MYO5C: variants seen among roughly 807,000 people sequenced by gnomAD.
MYO5C encodes the protein myosin VC.
In MYO5C, 194 loss-of-function variants were observed where a neutral mutation model predicts 235.7. The ratio of observed to expected loss-of-function variants is 0.82; its 90% CI spans 0.73 to 0.93. The LOEUF (loss-of-function observed/expected upper bound fraction) is 0.93. MYO5C is among the 40% of genes least tolerant of loss of function. The probability of loss-of-function intolerance (pLI) is 0.00; values close to 1 mark genes in which losing one functional copy is unlikely to be tolerated. For missense variants in MYO5C, 2,038 were observed against 2,127.2 expected (o/e 0.96, Z 0.82); for synonymous variants, 707 against 754.8 (o/e 0.94, Z 1.04).
intron 38 of MYO5C, 80 bp downstream of exon 38, chr15:52,204,785 G>A (rs949476716): frequency 2.0e-6 from 3 of 1,501,902 alleles, no homozygotes; most frequent in Non-Finnish European, 2.7e-6. Flanking sequence ...AGCAGGGAGG[G>A]TCAGGCGCGT....
chr15:52,293,050 G>A (rs890206673), intron 1 of MYO5C, among the ~76,000 whole-genome samples: 2 of 152,182 alleles, frequency 1.3e-5, no homozygotes, highest in Admixed American at 6.5e-5. Context: ...ATGCCAGACC[G>A]GCTCTTCTTA....
intron 35 of MYO5C, among the ~76,000 whole-genome samples, chr15:52,210,433 A>G (rs781017758): frequency 6.6e-6 from 1 of 152,272 alleles, no homozygotes; most frequent in East Asian, 1.9e-4. Flanking sequence ...AGTGTTATTT[A>G]TGTCTTATTG....
intron 8 of MYO5C, among the ~76,000 whole-genome samples, chr15:52,267,612 G>A (rs572358737): frequency 6.6e-5 from 10 of 152,188 alleles, no homozygotes; most frequent in African/African-American, 1.4e-4. Context: ...CTTGAGTCCC[G>A]GAGGCAGAGG....
intron 10 of MYO5C, among the ~76,000 whole-genome samples, chr15:52,259,797 G>C (rs1476847886): frequency 1.3e-5 from 2 of 152,260 alleles, no homozygotes; most frequent in Non-Finnish European, 2.9e-5. Context: ...TATGGGAAAA[G>C]CTGCCTCTCC....
At chr15:52,247,072 C>A (rs770398653) in intron 15 of MYO5C, 58 bp from the exon 16 acceptor site, 1 of 1,464,788 alleles carries the variant, frequency 6.8e-7, no homozygotes, top group South Asian at 1.2e-5. Context: ...GCTTACATCA[C>A]GGTAAAAAGC....
rs541496311 is a variant in MYO5C, at chr15:52,256,554, T to G, written c.1395+85A>C. 2.1e-5 allele frequency: 16 copies of G among 761,994 alleles called. No homozygotes were observed. The South Asian group carries it at 3.4e-4, about 16-fold the overall frequency. 47.2% of individuals were successfully genotyped at this position (761,994 alleles called of 1,614,324 possible). The stretch of plus-strand genomic sequence containing the variant: ...CAACCTCAAGAAAGAAGAATGCCTC[T>G]TTCCACGAACACACACACACACACA... On this transcript the variant is annotated intron_variant, in intron 11 of 40. Transcript: ENST00000261839.
chr15:52,199,400 T>C (rs947024962), intron 38 of MYO5C, among the ~76,000 whole-genome samples: 3 of 152,208 alleles, frequency 2.0e-5, no homozygotes, highest in Admixed American at 6.5e-5. Context: ...AATGCAGCTA[T>C]AAAGCCTGAA....
intron 11 of MYO5C, among the ~76,000 whole-genome samples, chr15:52,254,285 G>A (rs911832417): frequency 5.3e-5 from 8 of 152,152 alleles, no homozygotes; most frequent in East Asian, 3.9e-4. Context: ...GGGAAGAACC[G>A]GAGGCAGTGA....
In MYO5C at chr15:52,267,511, C is replaced by T. The variant is rs184367174; in HGVS notation, c.940+2242G>A. On this transcript the variant is annotated intron_variant, in intron 8 of 40. Coordinates refer to ENST00000261839, the MANE Select transcript of MYO5C (RefSeq NM_018728.4). ...GATTGGCCTGGGCAACATGGTGAAACCCCATCTCTACTAAAAATACAAAAA... is the reference window on the plus strand; with the variant it reads ...GATTGGCCTGGGCAACATGGTGAAATCCCATCTCTACTAAAAATACAAAAA... Among the ~76,000 whole-genome samples, 311 of 152,216 alleles carry T rather than the reference C, an allele frequency of 2.0e-3. 7 individuals carry two copies. The highest frequency in any genetic ancestry group is 0.012 in the South Asian group (60 of 4,814).
chr15:52,247,036 C>A lies in MYO5C; in HGVS notation c.1882-22G>T, dbSNP rs1439234885. 3.5e-5 allele frequency: 56 copies of A among 1,591,296 alleles called. No individual in the cohort carries two copies. Among genetic ancestry groups the A allele is most frequent in the Non-Finnish European group, 3.9e-5 (45 of 1,163,800 alleles). On this transcript the variant is annotated intron_variant, in intron 15 of 40. Transcript: ENST00000261839. Reference sequence around the variant, plus strand: ...GGAACTAGGAAACAAAGCTAGAGATCAAACATGGCTCTGAAATAATTTACT... The same window carrying A: ...GGAACTAGGAAACAAAGCTAGAGATAAAACATGGCTCTGAAATAATTTACT...
At chr15:52,284,855 T>A (rs2037228815) in intron 1 of MYO5C, among the ~76,000 whole-genome samples, 1 of 134,286 alleles carries the variant, frequency 7.4e-6, no homozygotes. Flanking sequence ...TTTTTTTTTT[T>A]AAGAGACAGG....
intron 1 of MYO5C, among the ~76,000 whole-genome samples, chr15:52,285,617 C>T (rs969377873): frequency 2.0e-5 from 3 of 152,230 alleles, no homozygotes; most frequent in Non-Finnish European, 2.9e-5. Context: ...CCGAGTGGCG[C>T]GCCGCCACGC....
At chr15:52,228,431 C>T (rs567029688) in intron 25 of MYO5C, among the ~76,000 whole-genome samples, 2 of 152,140 alleles carry the variant, frequency 1.3e-5, no homozygotes, top group Admixed American at 1.3e-4. Flanking sequence ...CCTGAGCCAC[C>T]GTGCCCGGCA....
chr15:52,218,644 T>C lies in MYO5C; in HGVS notation c.3829A>G (p.Lys1277Glu). Residue 1277 changes from lysine to glutamate, a missense_variant, in exon 32 of 41, where the codon AAG (lysine) becomes GAG (glutamate). Physicochemically the swap from Lys to Glu is moderately conservative, Grantham distance 56. Coordinates refer to ENST00000261839, the MANE Select transcript of MYO5C (RefSeq NM_018728.4). ...QNEIHTKEKE[K>E]LIDKIQEMQE... ...ATTTCTTGAATCTTATCAATCAGCTTCTCCTTCTCTTTGGTATGTATTTCA... is the reference window on the plus strand; with the variant it reads ...ATTTCTTGAATCTTATCAATCAGCTCCTCCTTCTCTTTGGTATGTATTTCA... The C allele has an allele frequency of 1.9e-6, 3 of 1,614,140 alleles. No individual in the cohort carries two copies. Among genetic ancestry groups the C allele is most frequent in the Non-Finnish European group, 2.5e-6 (3 of 1,180,024 alleles).
At chr15:52,292,399 T>G (rs1343332210) in intron 1 of MYO5C, among the ~76,000 whole-genome samples, 3 of 152,144 alleles carry the variant, frequency 2.0e-5, no homozygotes, top group Admixed American at 2.0e-4. Flanking sequence ...ACTAAGAACA[T>G]AGGTTTTCAA....
chr15:52,206,146 TCA>T (rs1187145652), intron 36 of MYO5C, among the ~76,000 whole-genome samples, 180 bp from the exon 37 acceptor site: 1 of 152,178 alleles, frequency 6.6e-6, no homozygotes. Context: ...TCCTGTATGA[TCA>T]CAGTCTATCA....
At chr15:52,276,486 C>T (rs1292355572) in intron 4 of MYO5C, among the ~76,000 whole-genome samples, 1 of 152,192 alleles carries the variant, frequency 6.6e-6, no homozygotes, top group African/African-American at 2.4e-5. Context: ...GCCAATATTC[C>T]AGACTCCCAG....
At chr15:52,233,884 G>A (rs1050879361) in intron 23 of MYO5C, among the ~76,000 whole-genome samples, 3 of 152,154 alleles carry the variant, frequency 2.0e-5, no homozygotes, top group Non-Finnish European at 2.9e-5. Flanking sequence ...AGGAGTCCTC[G>A]GGGTGCACCG....
In MYO5C at chr15:52,251,492, G is replaced by A; in HGVS notation, c.1560C>T (p.Asn520=). 1 of 1,606,672 alleles carries A rather than the reference G, an allele frequency of 6.2e-7. No individual in the cohort carries two copies. The highest frequency in any genetic ancestry group is 1.7e-4 in the Middle Eastern group (1 of 6,028). The change falls in exon 13 of 41, where the codon AAC becomes AAT. Residue 520 remains asparagine (N), a synonymous_variant. Transcript: ENST00000261839. ...ECLLPHGTDE[N]WLQKLYNNFV... is the part of the protein sequence containing the mutation. Reference sequence around the variant, plus strand: ...AATTATTATACAGCTTTTGAAGCCAGTTTTCATCAGTTCCATGTGGTAACT... The same window carrying A: ...AATTATTATACAGCTTTTGAAGCCAATTTTCATCAGTTCCATGTGGTAACT...
Sources: gnomAD v4.1 joint callset for allele counts (sites outside exome capture counted in the v4.1 genomes callset) on GRCh38, gnomAD v4.1.1 for gene constraint, MANE v1.5 for transcripts, NCBI Gene and HGNC (gene_info 2026-07-23, HGNC 2026-07-21) for gene names.